Variants in TIAM2 observed in about 807,000 individuals in gnomAD.
The protein encoded by TIAM2 is rho guanine nucleotide exchange factor TIAM2.
Under a neutral mutation model 152.9 loss-of-function variants are expected in TIAM2, and 80 were observed. That is an observed-to-expected ratio of 0.52 (90% CI 0.44 to 0.63). TIAM2 has a LOEUF of 0.63. TIAM2 is among the 30% of genes least tolerant of loss of function. The pLI is 0.00. For synonymous variants in TIAM2, 804 were observed against 838.0 expected, an observed-to-expected ratio of 0.96 and a Z score of 0.70; for missense variants, 1,965 against 2,120.1, an observed-to-expected ratio of 0.93 and a Z score of 1.44.
rs983253317 is a variant in TIAM2 at position 155,013,824 on chromosome 6, G to C, written c.-209+18332G>C. The C allele has an allele frequency of 3.3e-5, 5 of 152,150 alleles. No individual in the cohort carries two copies. The East Asian group carries it at 9.7e-4, about 29-fold the overall frequency. 9.4% of individuals were successfully genotyped at this position (152,150 alleles called of 1,614,324 possible). ...TTACAGGGTCTTTCCTAAGTGCTGA[G>C]TAAGTATAATTGAAACTTGGATTCT... On this transcript the variant is annotated intron_variant, in intron 1 of 26. Transcript: ENST00000682666.
At chr6:155,191,861 C>T (rs560344242) in intron 14 of TIAM2, among the ~76,000 whole-genome samples, 57 of 152,210 alleles carry the variant, frequency 3.7e-4, no homozygotes, top group African/African-American at 1.3e-3. Context: ...CTTGTTTTTA[C>T]TCCATTGTCT....
At chr6:155,105,190 TG>T (rs1477070311) in intron 2 of TIAM2, among the ~76,000 whole-genome samples, 1 of 151,966 alleles carries the variant, frequency 6.6e-6, no homozygotes, top group African/African-American at 2.4e-5. Flanking sequence ...TCTCCTGTCT[TG>T]CTCTGTCTCC....
In TIAM2 at chr6:155,174,923, A is replaced by C. The variant is rs1266897742; in HGVS notation, c.2362-1893A>C. Among the ~76,000 whole-genome samples, 2 of 152,170 alleles carry C rather than the reference A, an allele frequency of 1.3e-5. No individual in the cohort carries two copies. The highest frequency in any genetic ancestry group is 4.8e-5 in the African/African-American group (2 of 41,440). ...TCTGCTGGGTTTTAGTTTGCTTCTCAACAAGCCTGGTTTCAGAGGTGGGGC... is the reference window on the plus strand; with the variant it reads ...TCTGCTGGGTTTTAGTTTGCTTCTCCACAAGCCTGGTTTCAGAGGTGGGGC... On this transcript the variant is annotated intron_variant, in intron 9 of 26. Coordinates refer to ENST00000682666, the MANE Select transcript of TIAM2 (RefSeq NM_012454.4). This position sits in a 1 kb window ranked among gnomAD's most constrained non-coding sequence, Gnocchi z 4.2.
intron 1 of TIAM2, among the ~76,000 whole-genome samples, chr6:155,075,572 A>G (rs1777938029): frequency 6.6e-6 from 1 of 152,232 alleles, no homozygotes; most frequent in South Asian, 2.1e-4. Context: ...AAGATTCCTT[A>G]TCTGAAATGC....
chr6:155,187,314 T>A (rs2115155965), intron 14 of TIAM2, among the ~76,000 whole-genome samples: 1 of 152,298 alleles, frequency 6.6e-6, no homozygotes, highest in South Asian at 2.1e-4. Flanking sequence ...GAAGTGTTAG[T>A]CACAGTGGCA....
chr6:155,009,423 C>T (rs188115015), intron 1 of TIAM2, among the ~76,000 whole-genome samples: 5 of 152,166 alleles, frequency 3.3e-5, no homozygotes, highest in Non-Finnish European at 5.9e-5. Flanking sequence ...GATCTGAGTT[C>T]GGCCTGATAA....
chr6:155,257,289 G>C lies in TIAM2; in HGVS notation c.*168G>C. ...AAGATTTAAGTTATTTTAATTTATTGTGGATCAGAAACCTAGATGAAACTG... is the reference window on the plus strand; with the variant it reads ...AAGATTTAAGTTATTTTAATTTATTCTGGATCAGAAACCTAGATGAAACTG... On this transcript the variant is annotated 3_prime_UTR_variant, in exon 27 of 27. Transcript: ENST00000682666. The C allele has an allele frequency of 1.3e-6, 1 of 771,996 alleles. No homozygotes were observed. The highest frequency in any genetic ancestry group is 1.9e-5 in the South Asian group (1 of 51,958). 47.8% of individuals were successfully genotyped at this position (771,996 alleles called of 1,614,324 possible).
chr6:155,073,258 G>T (rs1236774814), intron 1 of TIAM2, among the ~76,000 whole-genome samples: 1 of 150,942 alleles, frequency 6.6e-6, no homozygotes. Flanking sequence ...CACCTCCCGG[G>T]TTCAAGCGAT....
At chr6:155,009,001 G>A (rs1197641260) in intron 1 of TIAM2, among the ~76,000 whole-genome samples, 1 of 151,482 alleles carries the variant, frequency 6.6e-6, no homozygotes, top group Non-Finnish European at 1.5e-5. Context: ...CAGAACAGAG[G>A]TTCTCAAACT....
intron 14 of TIAM2, among the ~76,000 whole-genome samples, chr6:155,193,554 TG>T (rs1356904822): frequency 6.6e-6 from 1 of 152,248 alleles, no homozygotes; most frequent in Non-Finnish European, 1.5e-5. Context: ...TTAAAGAAAA[TG>T]TTTTTTTCTC....
intron 1 of TIAM2, among the ~76,000 whole-genome samples, chr6:155,021,047 A>T (rs1209354511): frequency 6.6e-6 from 1 of 152,148 alleles, no homozygotes; most frequent in Non-Finnish European, 1.5e-5. Context: ...ATGTTGTAGC[A>T]TGTATCAGAA....
intron 1 of TIAM2, among the ~76,000 whole-genome samples, chr6:155,003,390 G>T (rs1236751651): frequency 2.6e-5 from 4 of 152,058 alleles, no homozygotes; most frequent in South Asian, 4.2e-4. Flanking sequence ...TGAGGCACAA[G>T]AATTACTTGA....
chr6:155,113,772 A>G (rs2115011246), intron 2 of TIAM2, among the ~76,000 whole-genome samples: 1 of 152,058 alleles, frequency 6.6e-6, no homozygotes, highest in South Asian at 2.1e-4. Flanking sequence ...CCACTTTAGT[A>G]TAAGCTCCAT....
intron 9 of TIAM2, among the ~76,000 whole-genome samples, chr6:155,169,148 A>G (rs1028339370): frequency 9.9e-5 from 15 of 152,024 alleles, no homozygotes; most frequent in Non-Finnish European, 2.2e-4. Context: ...GGCGCCCGCC[A>G]CCACGCCCGG....
intron 1 of TIAM2, among the ~76,000 whole-genome samples, chr6:155,036,887 G>A (rs1776934084): frequency 6.6e-6 from 1 of 151,998 alleles, no homozygotes; most frequent in South Asian, 2.1e-4. Flanking sequence ...CAAAGTGCTG[G>A]GATTACAGGC....
chr6:155,245,401 T>A (rs922421305), intron 18 of TIAM2, among the ~76,000 whole-genome samples: 1 of 152,236 alleles, frequency 6.6e-6, no homozygotes, highest in African/African-American at 2.4e-5. Flanking sequence ...GATTGCACAC[T>A]GTCAGTAGGC....
At chr6:155,256,158 TATTACCA>T in intron 26 of TIAM2, 2 of 498,810 alleles carry the variant, frequency 4.0e-6, no homozygotes, top group Non-Finnish European at 7.0e-6. Flanking sequence ...CTAGATTTAT[TATTACCA>T]ATTAACTTTT....
At chr6:155,112,125 C>CTTTT (rs34148436) in intron 2 of TIAM2, among the ~76,000 whole-genome samples, 1 of 131,400 alleles carries the variant, frequency 7.6e-6, no homozygotes, top group Non-Finnish European at 1.6e-5. Context: ...TTGGTTTCCT[C>CTTTT]TTTTTTTTTT....
chr6:155,041,029 C>T (rs1777015062), intron 1 of TIAM2, among the ~76,000 whole-genome samples: 1 of 152,060 alleles, frequency 6.6e-6, no homozygotes, highest in Non-Finnish European at 1.5e-5. Flanking sequence ...GGCAAGTTCC[C>T]TATTTTTTTT....
Sources: allele counts gnomAD v4.1 joint callset (sites outside exome capture counted in the v4.1 genomes callset), GRCh38; gene constraint gnomAD v4.1.1; non-coding constraint Gnocchi (gnomAD v3.1); transcripts MANE v1.5; gene names NCBI Gene and HGNC (gene_info 2026-07-23, HGNC 2026-07-21).